The following LRRC36 variants were observed in gnomAD, a reference collection of about 807,000 sequenced individuals.
LRRC36 encodes leucine rich repeat containing 36.
Under a neutral mutation model 81.1 loss-of-function variants are expected in LRRC36, and 62 were observed. That is an observed-to-expected ratio of 0.76 (90% CI 0.62 to 0.94). The LOEUF is 0.94. LRRC36 is among the 40% of genes least tolerant of loss of function. The pLI, the probability that LRRC36 is intolerant of heterozygous loss-of-function variation, is 0.00. For missense variants in LRRC36, 761 were observed against 881.7 expected, an observed-to-expected ratio of 0.86 and a Z score of 1.73; for synonymous variants, 334 against 348.6, an observed-to-expected ratio of 0.96 and a Z score of 0.47.
At position 67,341,986 on chromosome 16, in the gene LRRC36, T is replaced by C. The variant is rs534195816; in HGVS notation, c.100T>C (p.Ser34Pro). The stretch of plus-strand genomic sequence containing the variant: ...GGTGGAGTCTCTTTCATTGCAGGGA[T>C]CTTATGCTGGCAAAATCCATTCCAT... ...ELVESLSLQGSYAGKIHSIGD... is the reference protein window; with the variant it reads ...ELVESLSLQGPYAGKIHSIGD... Residue 34 changes from serine to proline, a missense_variant, in exon 2 of 14, where the codon TCT becomes CCT. Transcript: ENST00000329956. The C allele has an allele frequency of 6.2e-7, 1 of 1,611,704 alleles. No individual in the cohort carries two copies. The highest frequency in any genetic ancestry group is 8.5e-7 in the Non-Finnish European group (1 of 1,178,378).
intron 11 of LRRC36, among the ~76,000 whole-genome samples, chr16:67,377,957 A>G (rs1293258021): frequency 6.6e-6 from 1 of 152,116 alleles, no homozygotes; most frequent in African/African-American, 2.4e-5. Context: ...TTAACATTAG[A>G]GGATTTTCAG....
chr16:67,340,343 C>G (rs1390716857), intron 1 of LRRC36, among the ~76,000 whole-genome samples: 1 of 151,912 alleles, frequency 6.6e-6, no homozygotes, highest in Non-Finnish European at 1.5e-5. Context: ...TTGAGATTCT[C>G]CCCTTTTCAG....
chr16:67,347,540 A>G lies in LRRC36; in HGVS notation c.437A>G (p.His146Arg). Residue 146 changes from histidine to arginine, a missense_variant, in exon 4 of 14, where the codon CAT (histidine) becomes CGT (arginine). Transcript: ENST00000329956. ...GGTGAGAGAAAAGCTGCCAAGCTGC[A>G]TTTTAGTCAGTTGGGCAACAGTGAA... ...REGERKAAKLHFSQLGNSENF... is the reference protein window; with the variant it reads ...REGERKAAKLRFSQLGNSENF... 6.2e-7 allele frequency: 1 copy of G among 1,613,210 alleles called. No individual in the cohort carries two copies. Among genetic ancestry groups the G allele is most frequent in the Non-Finnish European group, 8.5e-7 (1 of 1,179,274 alleles).
rs1292434502 is a variant in LRRC36 at position 67,365,348 on chromosome 16, G to A, written c.747G>A (p.Gln249=). ...GGGAGATGCCAAGTGACAATCACCA[G>A]GAAGATGGTAAATATTTTGCTCACT... ...ARREMPSDNH[Q]EDEFRHYSPR... The change falls in exon 7 of 14, where the codon CAG becomes CAA. Residue 249 remains glutamine, a synonymous_variant. Coordinates refer to ENST00000329956, the MANE Select transcript of LRRC36 (RefSeq NM_018296.6). 3.1e-6 allele frequency: 5 copies of A among 1,612,970 alleles called. No individual in the cohort carries two copies. Among genetic ancestry groups the A allele is most frequent in the African/African-American group, 2.7e-5 (2 of 74,884 alleles).
At chr16:67,359,266 G>A (rs2039041443) in intron 5 of LRRC36, among the ~76,000 whole-genome samples, 1 of 152,084 alleles carries the variant, frequency 6.6e-6, no homozygotes, top group Non-Finnish European at 1.5e-5. Context: ...ACTGAAGAAT[G>A]AATAAACAAA....
intron 1 of LRRC36, among the ~76,000 whole-genome samples, chr16:67,330,661 A>T (rs1026315424): frequency 1.3e-5 from 2 of 152,156 alleles, no homozygotes; most frequent in African/African-American, 4.8e-5. Context: ...CAGGAGTTCA[A>T]GACCAGTCTG....
intron 5 of LRRC36, among the ~76,000 whole-genome samples, chr16:67,356,539 A>T (rs2038910729): frequency 6.6e-6 from 1 of 152,232 alleles, no homozygotes; most frequent in Admixed American, 6.5e-5. Context: ...TTCAGCAAAG[A>T]AGTGCATATC....
At chr16:67,350,829 G>A (rs1358621969) in intron 5 of LRRC36, among the ~76,000 whole-genome samples, 1 of 152,074 alleles carries the variant, frequency 6.6e-6, no homozygotes, top group Non-Finnish European at 1.5e-5. Flanking sequence ...ACCTGAGGTT[G>A]CGAGTTTAAG....
At chr16:67,372,288 C>T (rs1416517115) in intron 9 of LRRC36, among the ~76,000 whole-genome samples, 2 of 149,860 alleles carry the variant, frequency 1.3e-5, no homozygotes, top group African/African-American at 2.4e-5. Context: ...ACCTGGGAGG[C>T]GGAGGTTGTG....
rs1232905728 is a variant in LRRC36 at position 67,367,073 on chromosome 16, A to G, written c.811A>G (p.Arg271Gly). 1 of 1,614,168 alleles carries G rather than the reference A, an allele frequency of 6.2e-7. No homozygotes were observed. Reference sequence around the variant, plus strand: ...AGTCCGATCCCCAGAGAAGATGACTAGAGAAGGGTACCAAGTATCTTTTTT... The same window carrying G: ...AGTCCGATCCCCAGAGAAGATGACTGGAGAAGGGTACCAAGTATCTTTTTT... ...STVRSPEKMT[R>G]EGYQVSFLDN... Residue 271 changes from arginine (R) to glycine (G), a missense_variant, in exon 8 of 14, where the codon AGA becomes GGA. By Grantham distance (125) the Arg-to-Gly change is moderately radical. Coordinates refer to ENST00000329956, the MANE Select transcript of LRRC36 (RefSeq NM_018296.6).
In LRRC36 at chr16:67,334,787, G is replaced by A. The variant is rs201214525; in HGVS notation, c.71-7170G>A. Among the ~76,000 whole-genome samples the A allele has an allele frequency of 1.9e-4, 29 of 152,044 alleles. No individual in the cohort carries two copies. In the East Asian group the frequency reaches 2.1e-3, roughly 11 times the overall value. ...TTTCTATTTTCCCTAAGTGTCGGCC[G>A]GCCTGAGAAATAAAGGGACAGAGTA... On this transcript the variant is annotated intron_variant, in intron 1 of 13. Transcript: ENST00000329956.
At chr16:67,377,634 C>T (rs2039953956) in intron 11 of LRRC36, among the ~76,000 whole-genome samples, 1 of 146,618 alleles carries the variant, frequency 6.8e-6, no homozygotes, top group Non-Finnish European at 1.5e-5. Flanking sequence ...ACCTGGCCGC[C>T]TTTTTTCTTC....
intron 2 of LRRC36, among the ~76,000 whole-genome samples, chr16:67,343,182 C>T (rs1263169600): frequency 6.6e-6 from 1 of 152,096 alleles, no homozygotes; most frequent in Non-Finnish European, 1.5e-5. Context: ...CTTTTTCTGG[C>T]TAAAAAATTA....
intron 10 of LRRC36, 91 bp downstream of exon 10, chr16:67,375,503 C>G: frequency 1.8e-6 from 2 of 1,115,944 alleles, no homozygotes; most frequent in Non-Finnish European, 2.5e-6. Flanking sequence ...TCTTCACTTG[C>G]AAGGAAAGTT....
chr16:67,357,575 G>C (rs921929591), intron 5 of LRRC36, among the ~76,000 whole-genome samples: 2 of 152,242 alleles, frequency 1.3e-5, no homozygotes, highest in African/African-American at 2.4e-5. Flanking sequence ...CTTTCCTTCA[G>C]AATGTCCCTT....
intron 1 of LRRC36, among the ~76,000 whole-genome samples, chr16:67,335,455 T>A (rs995502333): frequency 7.9e-5 from 12 of 152,204 alleles, no homozygotes; most frequent in Admixed American, 2.0e-4. Context: ...TTTTTCAAGG[T>A]GCCCAGATTT....
At chr16:67,346,853 CTTA>C (rs1393579946) in intron 3 of LRRC36, among the ~76,000 whole-genome samples, 2 of 151,914 alleles carry the variant, frequency 1.3e-5, no homozygotes, top group Non-Finnish European at 2.9e-5. Context: ...TCTATATTTT[CTTA>C]TTATTTTACT....
intron 5 of LRRC36, among the ~76,000 whole-genome samples, chr16:67,360,791 G>T (rs1219731117): frequency 1.3e-5 from 2 of 152,174 alleles, no homozygotes; most frequent in African/African-American, 2.4e-5. Flanking sequence ...GCACTGGCTT[G>T]TAGTGACTTT....
intron 5 of LRRC36, among the ~76,000 whole-genome samples, chr16:67,353,290 G>A (rs1052917500): frequency 6.6e-6 from 1 of 152,190 alleles, no homozygotes; most frequent in Non-Finnish European, 1.5e-5. Flanking sequence ...GTTTGATGCT[G>A]CTGCTACTCT....
Sources: allele counts gnomAD v4.1 joint callset (sites outside exome capture counted in the v4.1 genomes callset), GRCh38; gene constraint gnomAD v4.1.1; transcripts MANE v1.5; gene names NCBI Gene and HGNC (gene_info 2026-07-23, HGNC 2026-07-21).